Variants in SEZ6L observed in about 807,000 individuals in gnomAD.
The protein encoded by SEZ6L is seizure 6-like protein.
In SEZ6L, 37 loss-of-function variants were observed where a neutral mutation model predicts 106.2. The observed-to-expected ratio is 0.35, with a 90% CI of 0.27 to 0.46. The LOEUF is 0.46. Among genes scored for constraint, SEZ6L ranks in the 20% least tolerant of loss-of-function variants. The probability of loss-of-function intolerance (pLI) is 1.00; values close to 1 mark genes in which losing one functional copy is unlikely to be tolerated. For missense variants in SEZ6L, 1,172 were observed against 1,332.8 expected, an observed-to-expected ratio of 0.88 and a Z score of 1.88; for synonymous variants, 541 against 570.4, an observed-to-expected ratio of 0.95 and a Z score of 0.73.
chr22:26,241,550 C>T (rs753817097), intron 1 of SEZ6L: 4 of 152,148 alleles, frequency 2.6e-5, no homozygotes, highest in East Asian at 3.9e-4. Flanking sequence ...ATTGTTGCTT[C>T]GTTCAATACA....
intron 1 of SEZ6L, among the ~76,000 whole-genome samples, chr22:26,283,585 G>T (rs2080841604): frequency 6.6e-6 from 1 of 152,082 alleles, no homozygotes; most frequent in African/African-American, 2.4e-5. Flanking sequence ...AGAGAAAAAA[G>T]CAGTTTTCAG....
intron 9 of SEZ6L, among the ~76,000 whole-genome samples, chr22:26,329,781 C>A (rs1345955593): frequency 6.6e-6 from 1 of 152,140 alleles, no homozygotes; most frequent in African/African-American, 2.4e-5. Context: ...TTTCTCTGAC[C>A]ACCTGACTGT....
At chr22:26,169,887 G>C in intron 1 of SEZ6L, 124 bp downstream of exon 1, 1 of 423,752 alleles carries the variant, frequency 2.4e-6, no homozygotes, top group Non-Finnish European at 4.0e-6. Flanking sequence ...GGTGGTGGCT[G>C]TCCAAAATCG....
intron 7 of SEZ6L, 45 bp downstream of exon 7, chr22:26,310,881 T>TAGCCTGGGAGC (rs2081805002): frequency 6.3e-7 from 1 of 1,589,548 alleles, no homozygotes; most frequent in East Asian, 2.2e-5. Flanking sequence ...GGGCTGGGGG[T>TAGCCTGGGAGC]AGCCTGGGAG....
chr22:26,343,969 A>G (rs1273346710), intron 10 of SEZ6L, among the ~76,000 whole-genome samples: 1 of 152,222 alleles, frequency 6.6e-6, no homozygotes, highest in Non-Finnish European at 1.5e-5. Context: ...ATGATTGATT[A>G]GTGATGCCTG....
chr22:26,342,301 C>T lies in SEZ6L; in HGVS notation c.2212+1669C>T, dbSNP rs898973404. ...GGAGCAGAGAAAAGGAGAATTCATC[C>T]TACCCAGCCCTCTGCCACCACCACT... On this transcript the variant is annotated intron_variant, in intron 10 of 16. Transcript: ENST00000248933. Among the ~76,000 whole-genome samples the T allele has an allele frequency of 1.0e-3, 154 of 152,088 alleles. 2 individuals carry two copies. The highest frequency in any genetic ancestry group is 3.2e-4 in the Non-Finnish European group (22 of 67,994).
intron 9 of SEZ6L, among the ~76,000 whole-genome samples, chr22:26,322,036 A>C (rs2082169852): frequency 6.6e-6 from 1 of 152,230 alleles, no homozygotes; most frequent in African/African-American, 2.4e-5. Context: ...AATAAATGTG[A>C]ACATTATTAT....
intron 1 of SEZ6L, among the ~76,000 whole-genome samples, chr22:26,237,490 T>C (rs2078989434): frequency 6.6e-6 from 1 of 152,258 alleles, no homozygotes; most frequent in African/African-American, 2.4e-5. Context: ...TCTTCATCTA[T>C]AAGATGGGTA....
intron 1 of SEZ6L, among the ~76,000 whole-genome samples, chr22:26,190,662 A>G (rs970311661): frequency 5.9e-5 from 9 of 152,122 alleles, no homozygotes; most frequent in African/African-American, 1.9e-4. Context: ...CTGAGGCTGG[A>G]ACCATGTAGG....
At chr22:26,286,965 T>C (rs1487546036) in intron 1 of SEZ6L, among the ~76,000 whole-genome samples, 2 of 151,884 alleles carry the variant, frequency 1.3e-5, no homozygotes, top group Non-Finnish European at 2.9e-5. Flanking sequence ...CCAAGCTGGT[T>C]TCCAACTCCT....
At chr22:26,285,564 TG>T (rs2080910066) in intron 1 of SEZ6L, among the ~76,000 whole-genome samples, 1 of 152,190 alleles carries the variant, frequency 6.6e-6, no homozygotes, top group South Asian at 2.1e-4. Flanking sequence ...GAATCATTTT[TG>T]GTTGTCACAA....
At chr22:26,359,930 T>C (rs1322966560) in intron 12 of SEZ6L, among the ~76,000 whole-genome samples, 1 of 152,228 alleles carries the variant, frequency 6.6e-6, no homozygotes, top group East Asian at 1.9e-4. Flanking sequence ...ATGCCCTCAG[T>C]AAATATTGTA....
intron 1 of SEZ6L, among the ~76,000 whole-genome samples, chr22:26,212,345 T>C (rs925879596): frequency 2.0e-5 from 3 of 152,206 alleles, no homozygotes; most frequent in Non-Finnish European, 4.4e-5. Context: ...TATGTTCTCA[T>C]TGGAATAAAA....
intron 9 of SEZ6L, among the ~76,000 whole-genome samples, chr22:26,320,076 A>G (rs1279837151): frequency 2.0e-5 from 3 of 152,226 alleles, no homozygotes; most frequent in African/African-American, 7.2e-5. Flanking sequence ...AAAAATTATC[A>G]GGTAAAGTAT....
At chr22:26,280,407 T>G (rs924330074) in intron 1 of SEZ6L, among the ~76,000 whole-genome samples, 1 of 152,194 alleles carries the variant, frequency 6.6e-6, no homozygotes, top group Admixed American at 6.5e-5. Context: ...TGTGTATTCT[T>G]TCAAAGTTCC....
intron 1 of SEZ6L, among the ~76,000 whole-genome samples, chr22:26,233,684 G>T (rs1158814716): frequency 6.6e-6 from 1 of 152,194 alleles, no homozygotes; most frequent in African/African-American, 2.4e-5. Flanking sequence ...CTACATGCAA[G>T]CCTCTGGTCT....
chr22:26,308,152 T>C (rs2081695995), intron 6 of SEZ6L, among the ~76,000 whole-genome samples: 1 of 152,118 alleles, frequency 6.6e-6, no homozygotes, highest in Non-Finnish European at 1.5e-5. Context: ...AATACCACAA[T>C]ATGTCAGTTG....
rs138721720 is a variant in SEZ6L, at chr22:26,292,886, C to A, written c.575C>A (p.Ala192Glu). The A allele has an allele frequency of 2.2e-5, 35 of 1,614,036 alleles. No homozygotes were observed. The highest frequency in any genetic ancestry group is 1.6e-4 in the Middle Eastern group (1 of 6,084). The change falls in exon 2 of 17, where the codon GCG (alanine) becomes GAG (glutamate). Residue 192 changes from alanine to glutamate, a missense_variant. Transcript: ENST00000248933. ...VPLWLDRKES[A>E]VPTTPAPLQI... ...CTTTGGCTGGACCGAAAGGAGAGTG[C>A]GGTCCCTACAACACCCGCACCCCTG... is the stretch of plus-strand genomic sequence containing the variant.
At chr22:26,318,890 G>A (rs1296943514) in intron 9 of SEZ6L, among the ~76,000 whole-genome samples, 1 of 152,132 alleles carries the variant, frequency 6.6e-6, no homozygotes. Context: ...CGACAAAACA[G>A]AAACCTTGGC....
Sources: gnomAD v4.1 joint callset for allele counts (sites outside exome capture counted in the v4.1 genomes callset) on GRCh38, gnomAD v4.1.1 for gene constraint, MANE v1.5 for transcripts, NCBI Gene and HGNC (gene_info 2026-07-23, HGNC 2026-07-21) for gene names.